The following THRB variants were observed in gnomAD, a reference collection of about 807,000 sequenced individuals.
The protein encoded by THRB is thyroid hormone receptor beta, also known as nuclear receptor subfamily 1 group A member 2.
In THRB, 12 loss-of-function variants were observed where a neutral mutation model predicts 47.8. The ratio of observed to expected loss-of-function variants is 0.25; its 90% CI spans 0.16 to 0.41. The LOEUF is 0.41. Ranked by LOEUF, THRB falls within the 10% of genes least tolerant of loss-of-function variation. THRB has a pLI of 1.00. For synonymous variants in THRB, 218 were observed against 212.2 expected (o/e 1.03, Z -0.24); for missense variants, 348 against 589.2 (o/e 0.59, Z 4.24).
At chr3:24,246,887 G>T (rs1010481506) in intron 3 of THRB, among the ~76,000 whole-genome samples, 3 of 152,094 alleles carry the variant, frequency 2.0e-5, no homozygotes, top group Non-Finnish European at 4.4e-5. Context: ...AATTTGTATT[G>T]TTGATTTTAC....
intron 4 of THRB, among the ~76,000 whole-genome samples, chr3:24,197,249 A>T (rs2044058124): frequency 6.6e-6 from 1 of 152,234 alleles, no homozygotes; most frequent in Admixed American, 6.5e-5. Flanking sequence ...GCAATTCAAT[A>T]TGGACTACCA....
At chr3:24,248,714 T>A (rs2050359640) in intron 3 of THRB, among the ~76,000 whole-genome samples, 1 of 152,162 alleles carries the variant, frequency 6.6e-6, no homozygotes, top group Non-Finnish European at 1.5e-5. Flanking sequence ...TCTTTCTACA[T>A]TTCCAAAACC....
chr3:24,323,844 C>A (rs2058643579), intron 2 of THRB, among the ~76,000 whole-genome samples: 2 of 152,184 alleles, frequency 1.3e-5, no homozygotes, highest in Admixed American at 1.3e-4. Flanking sequence ...AACTTACTAT[C>A]TAATAGTTCT....
intron 5 of THRB, among the ~76,000 whole-genome samples, chr3:24,185,737 G>C (rs1267902606): frequency 2.6e-5 from 4 of 152,152 alleles, no homozygotes; most frequent in African/African-American, 7.2e-5. Context: ...GGTTCAGCAG[G>C]GCTGGTTAGG....
chr3:24,131,498 G>A (rs1198845748), intron 9 of THRB, among the ~76,000 whole-genome samples: 1 of 152,236 alleles, frequency 6.6e-6, no homozygotes, highest in African/African-American at 2.4e-5. Context: ...CTGCAAGGCT[G>A]TGGGTACTAG....
intron 3 of THRB, among the ~76,000 whole-genome samples, chr3:24,258,191 G>C (rs2051518484): frequency 6.6e-6 from 1 of 152,146 alleles, no homozygotes; most frequent in Admixed American, 6.5e-5. Flanking sequence ...TTTGGGGGAA[G>C]ATGGAAAAGT....
intron 1 of THRB, among the ~76,000 whole-genome samples, chr3:24,402,499 C>CTTTTTTTTTTTT (rs60751951): frequency 7.4e-6 from 1 of 134,814 alleles, no homozygotes; most frequent in Non-Finnish European, 1.6e-5. Flanking sequence ...TTCTTTCTTC[C>CTTTTTTTTTTTT]TTTTTTTTTT....
At chr3:24,189,837 A>AC (rs1380334172) in intron 5 of THRB, among the ~76,000 whole-genome samples, 1 of 152,208 alleles carries the variant, frequency 6.6e-6, no homozygotes. Flanking sequence ...AAATGTCTTC[A>AC]CCCCAAGTGT....
chr3:24,471,317 C>T (rs1285749441), intron 1 of THRB, among the ~76,000 whole-genome samples: 1 of 152,184 alleles, frequency 6.6e-6, no homozygotes, highest in Non-Finnish European at 1.5e-5. Context: ...TGTTAACAAG[C>T]TCTCCAGGTG....
chr3:24,271,303 C>A (rs182455128), intron 3 of THRB, among the ~76,000 whole-genome samples: 3 of 152,188 alleles, frequency 2.0e-5, no homozygotes, highest in Admixed American at 2.0e-4. Flanking sequence ...GCTCTTTTTT[C>A]TCTGTTCTAT....
chr3:24,348,855 A>C (rs1474986048), intron 1 of THRB: 1 of 152,136 alleles, frequency 6.6e-6, no homozygotes, highest in Non-Finnish European at 1.5e-5. Context: ...CACCTCTATA[A>C]AACATTATAC....
intron 1 of THRB, among the ~76,000 whole-genome samples, chr3:24,445,002 G>A (rs1172956336): frequency 6.6e-6 from 1 of 152,108 alleles, no homozygotes; most frequent in African/African-American, 2.4e-5. Flanking sequence ...CACCATGTCA[G>A]AAACAGGCTA....
intron 5 of THRB, among the ~76,000 whole-genome samples, chr3:24,170,774 G>C (rs1010945047): frequency 2.6e-5 from 4 of 151,872 alleles, no homozygotes; most frequent in Non-Finnish European, 4.4e-5. Flanking sequence ...AGGCCTGAAA[G>C]CCCTGACACT....
chr3:24,315,534 C>T (rs985839281), intron 2 of THRB, among the ~76,000 whole-genome samples: 1 of 152,192 alleles, frequency 6.6e-6, no homozygotes, highest in Admixed American at 6.5e-5. Context: ...CTCCAGGCTG[C>T]TCTCTCTGGC....
chr3:24,205,087 T>C (rs998535481), intron 4 of THRB, among the ~76,000 whole-genome samples: 2 of 152,156 alleles, frequency 1.3e-5, no homozygotes, highest in Non-Finnish European at 1.5e-5. Flanking sequence ...CTGCAGCATA[T>C]TATCCAGGAG....
chr3:24,243,490 CT>C (rs1482569176), intron 3 of THRB, among the ~76,000 whole-genome samples: 1 of 151,948 alleles, frequency 6.6e-6, no homozygotes, highest in African/African-American at 2.4e-5. Flanking sequence ...TTTTCCTTGC[CT>C]GAAATGCTCA....
At chr3:24,398,583 T>C (rs1211762486) in intron 1 of THRB, among the ~76,000 whole-genome samples, 2 of 152,028 alleles carry the variant, frequency 1.3e-5, no homozygotes, top group African/African-American at 2.4e-5. Context: ...AAACAACAGG[T>C]GCTGGAGAGG....
At position 24,442,036 on chromosome 3, in the gene THRB, A is replaced by AT. The variant is rs997587210; in HGVS notation, c.-261+52615dup. On this transcript the variant is annotated intron_variant, in intron 1 of 10. Coordinates refer to ENST00000646209, the MANE Select transcript of THRB (RefSeq NM_001354712.2). ...GATTAACTGTAACTTTGTGGGCTAAATTTTTTTTTTCTTTAAATACCTGTA... is the reference window on the plus strand; with the variant it reads ...GATTAACTGTAACTTTGTGGGCTAAATTTTTTTTTTTCTTTAAATACCTGTA... Among the ~76,000 whole-genome samples, 498 of 150,936 alleles carry AT rather than the reference A, an allele frequency of 3.3e-3. 2 individuals are homozygous for AT. The highest frequency in any genetic ancestry group is 0.011 in the African/African-American group (468 of 41,180).
At position 24,435,265 on chromosome 3, in the gene THRB, A is replaced by C. The variant is rs140925758; in HGVS notation, c.-261+59387T>G. Among the ~76,000 whole-genome samples, 1,309 of 152,310 alleles carry C rather than the reference A, an allele frequency of 8.6e-3. 15 individuals are homozygous for C. Among genetic ancestry groups the C allele is most frequent in the African/African-American group, 0.029 (1,224 of 41,574 alleles). ...ACACTAAACTGAGCGGGTAGATAGA[A>C]GGCAAAGAGAAAATCAGAACCCTAG... On this transcript the variant is annotated intron_variant, in intron 1 of 10. Transcript: ENST00000646209.
Sources: allele counts gnomAD v4.1 joint callset (sites outside exome capture counted in the v4.1 genomes callset), GRCh38; gene constraint gnomAD v4.1.1; transcripts MANE v1.5; gene names NCBI Gene and HGNC (gene_info 2026-07-23, HGNC 2026-07-21).